SLC36A1: variants seen among roughly 807,000 people sequenced by gnomAD.
SLC36A1 encodes the protein solute carrier family 36 member 1.
SLC36A1 carries 30 observed loss-of-function variants against 47.5 expected under a neutral mutation model. The ratio of observed to expected loss-of-function variants is 0.63; its 90% CI spans 0.47 to 0.86. The LOEUF (loss-of-function observed/expected upper bound fraction) is 0.86. Among genes scored for constraint, SLC36A1 ranks in the 40% least tolerant of loss-of-function variants. The pLI is 0.00. For synonymous variants in SLC36A1, 255 were observed against 249.7 expected (o/e 1.02, Z -0.20); for missense variants, 517 against 606.0 (o/e 0.85, Z 1.54).
At chr5:151,414,224 G>A in the SLC36A1 span, among the ~76,000 whole-genome samples, 2 of 152,196 alleles carry the variant, frequency 1.3e-5, no homozygotes, top group Non-Finnish European at 2.9e-5. Context: ...ACGATACCCA[G>A]AGGAGGTGAG....
the SLC36A1 span, among the ~76,000 whole-genome samples, chr5:151,386,020 C>T: frequency 6.4e-3 from 966 of 151,890 alleles, 18 homozygotes; most frequent in African/African-American, 0.022. Flanking sequence ...TATAGGCGCC[C>T]GCCACCACGT....
the SLC36A1 span, among the ~76,000 whole-genome samples, chr5:151,371,421 T>C: frequency 2.0e-5 from 3 of 152,212 alleles, no homozygotes; most frequent in South Asian, 2.1e-4. Context: ...CACACACATA[T>C]TCACTTTTAC....
chr5:151,531,580 C>A, the SLC36A1 span: 1 of 1,611,984 alleles, frequency 6.2e-7, no homozygotes, highest in Non-Finnish European at 8.5e-7. This position sits in a 1 kb window ranked among gnomAD's most constrained non-coding sequence, Gnocchi z 5.7. Flanking sequence ...GTGGATCAGG[C>A]TCTCACCTGT....
At chr5:151,521,596 ATGT>A in the SLC36A1 span, 1 of 1,614,142 alleles carries the variant, frequency 6.2e-7, no homozygotes, top group Non-Finnish European at 8.5e-7. Flanking sequence ...GGCCAAGTGA[ATGT>A]TAGCCCGTTT....
the SLC36A1 span, among the ~76,000 whole-genome samples, chr5:151,552,287 A>C: frequency 6.6e-6 from 1 of 152,114 alleles, no homozygotes; most frequent in Non-Finnish European, 1.5e-5. Context: ...TGCCCAGCCC[A>C]TATGTGTTTT....
At chr5:151,510,141 C>G in the SLC36A1 span, 1 of 1,614,072 alleles carries the variant, frequency 6.2e-7, no homozygotes, top group Non-Finnish European at 8.5e-7. Flanking sequence ...ACAGTGCTTC[C>G]CAGAGAACTG....
At position 151,448,559 on chromosome 5, in the gene SLC36A1, A is replaced by T. The variant is rs534945366; in HGVS notation, c.-6+746A>T. 3.3e-5 allele frequency among the ~76,000 whole-genome samples: 5 copies of T among 152,330 alleles called. No homozygotes were observed. The South Asian group carries it at 1.0e-3, about 32-fold the overall frequency. ...AGTCACACCAAAATATGAAATATGA[A>T]TCGGAATGTGCTTCTGGGAAGATAG... On this transcript the variant is annotated intron_variant, in intron 1 of 10. Coordinates refer to ENST00000243389, the MANE Select transcript of SLC36A1 (RefSeq NM_078483.4).
chr5:151,546,493 C>A, the SLC36A1 span, among the ~76,000 whole-genome samples: 1 of 152,106 alleles, frequency 6.6e-6, no homozygotes, highest in Non-Finnish European at 1.5e-5. Context: ...AGAGTAGATA[C>A]TTTATAAAAT....
At chr5:151,451,260 C>T (rs530284929) in intron 1 of SLC36A1, among the ~76,000 whole-genome samples, 1 of 152,038 alleles carries the variant, frequency 6.6e-6, no homozygotes, top group East Asian at 1.9e-4. Context: ...ACTATTTTGT[C>T]CACGCTGGTC....
chr5:151,426,577 C>T, the SLC36A1 span, among the ~76,000 whole-genome samples: 1 of 152,192 alleles, frequency 6.6e-6, no homozygotes, highest in Non-Finnish European at 1.5e-5. Flanking sequence ...GCAGTTTTCT[C>T]CTATCTCAGT....
chr5:151,531,942 CAG>C, the SLC36A1 span: 3 of 1,614,218 alleles, frequency 1.9e-6, no homozygotes, highest in Non-Finnish European at 2.5e-6. The surrounding 1 kb of genome is among the most constrained non-coding windows in gnomAD (Gnocchi z 5.7). Context: ...CTGAATCCGG[CAG>C]AGAGTAAACC....
chr5:151,506,224 G>T, the SLC36A1 span: 1 of 982,122 alleles, frequency 1.0e-6, no homozygotes, highest in Non-Finnish European at 1.4e-6. Flanking sequence ...GCCCATCTGT[G>T]CAGGTTGTCT....
At chr5:151,528,310 G>T in the SLC36A1 span, among the ~76,000 whole-genome samples, 1 of 152,168 alleles carries the variant, frequency 6.6e-6, no homozygotes, top group African/African-American at 2.4e-5. Context: ...ACTTCAGCAT[G>T]CCATGGTTTA....
chr5:151,533,333 T>C, the SLC36A1 span, among the ~76,000 whole-genome samples: 1 of 151,570 alleles, frequency 6.6e-6, no homozygotes, highest in East Asian at 1.9e-4. Context: ...TCCAGATCTC[T>C]CCTATCAAAC....
At chr5:151,400,913 C>A in the SLC36A1 span, among the ~76,000 whole-genome samples, 1 of 152,084 alleles carries the variant, frequency 6.6e-6, no homozygotes, top group African/African-American at 2.4e-5. Context: ...CTTATACATT[C>A]TGGATATTAG....
chr5:151,454,083 ATTTTTTT>A (rs35097474), intron 1 of SLC36A1, among the ~76,000 whole-genome samples: 42 of 88,086 alleles, frequency 4.8e-4, no homozygotes, highest in South Asian at 8.1e-4. Flanking sequence ...GTACACTTAA[ATTTTTTT>A]TTTTTTTTTT....
the SLC36A1 span, among the ~76,000 whole-genome samples, chr5:151,397,161 T>A: frequency 6.6e-6 from 1 of 152,318 alleles, no homozygotes; most frequent in African/African-American, 2.4e-5. Flanking sequence ...CTGCACATGA[T>A]CGTTATACCA....
At chr5:151,398,300 T>A in the SLC36A1 span, among the ~76,000 whole-genome samples, 1 of 152,292 alleles carries the variant, frequency 6.6e-6, no homozygotes, top group Non-Finnish European at 1.5e-5. Flanking sequence ...CAAGCTGGTG[T>A]CTTTGCAGGA....
At chr5:151,471,162 T>G (rs1757261973) in intron 7 of SLC36A1, among the ~76,000 whole-genome samples, 1 of 152,176 alleles carries the variant, frequency 6.6e-6, no homozygotes, top group East Asian at 1.9e-4. Flanking sequence ...GCGAAATCAG[T>G]TTTTTTCTCA....
Sources: allele counts gnomAD v4.1 joint callset (sites outside exome capture counted in the v4.1 genomes callset), GRCh38; gene constraint gnomAD v4.1.1; non-coding constraint Gnocchi (gnomAD v3.1); transcripts MANE v1.5; gene names NCBI Gene and HGNC (gene_info 2026-07-23, HGNC 2026-07-21).